Variants in LRRC74B observed in about 807,000 individuals in gnomAD.
LRRC74B encodes the protein leucine-rich repeat-containing protein 74B.
In LRRC74B, 30 loss-of-function variants were observed where a neutral mutation model predicts 16.6. The ratio of observed to expected loss-of-function variants is 1.80; its 90% CI spans 1.35 to 2.45. LRRC74B has a LOEUF of 2.45. LRRC74B is among the 30% of genes most tolerant of loss of function. LRRC74B has a pLI of 0.00. For synonymous variants in LRRC74B, 134 were observed against 86.0 expected (o/e 1.56, Z -3.09); for missense variants, 326 against 202.4 (o/e 1.61, Z -3.71).
At position 21,047,944 on chromosome 22, in the gene LRRC74B, C is replaced by T. The variant is rs1007240115; in HGVS notation, c.343C>T (p.Arg115Ter). The T allele has an allele frequency of 2.8e-5, 20 of 717,234 alleles. No individual in the cohort carries two copies. The highest frequency in any genetic ancestry group is 5.2e-5 in the Non-Finnish European group (20 of 385,072). The allele number at this position is 717,234 out of a possible 1,614,324, so 44.4% of individuals were successfully genotyped here. Residue 115 changes from arginine to a stop codon, truncating the protein, a stop_gained, in exon 3 of 9, where the codon CGA becomes TGA. Transcript: ENST00000442047. LOFTEE classifies it high-confidence loss of function. ...TCCATATGTCAAGCGGCTGGACCTTCGAGACAATGGGCTCTGTGGGGCAGG... is the reference window on the plus strand; with the variant it reads ...TCCATATGTCAAGCGGCTGGACCTTTGAGACAATGGGCTCTGTGGGGCAGG...
intron 7 of LRRC74B, among the ~76,000 whole-genome samples, chr22:21,055,495 C>T (rs1355812475): frequency 6.6e-6 from 1 of 152,168 alleles, no homozygotes; most frequent in Admixed American, 6.5e-5. Context: ...AGACCCAGGC[C>T]CCACCCAGGT....
At chr22:21,050,506 C>G (rs564624302) in intron 4 of LRRC74B, among the ~76,000 whole-genome samples, 3 of 151,004 alleles carry the variant, frequency 2.0e-5, no homozygotes, top group Non-Finnish European at 4.4e-5. Flanking sequence ...TGGCCGGGCC[C>G]GGTGGCTCAC....
At chr22:21,046,183 G>T (rs1373128283) in intron 1 of LRRC74B, 58 bp downstream of exon 1, 2 of 707,860 alleles carry the variant, frequency 2.8e-6, no homozygotes, top group African/African-American at 3.5e-5. Flanking sequence ...CTCCCGCAGG[G>T]GTTGGGGGAG....
At chr22:21,052,857 A>G (rs1310262008) in intron 5 of LRRC74B, among the ~76,000 whole-genome samples, 1 of 152,176 alleles carries the variant, frequency 6.6e-6, no homozygotes, top group Non-Finnish European at 1.5e-5. Context: ...TCCTCAGGCC[A>G]TGGCAGCTGC....
At chr22:21,048,502 G>A in intron 3 of LRRC74B, 1 of 258,426 alleles carries the variant, frequency 3.9e-6, no homozygotes, top group Non-Finnish European at 7.6e-6. Flanking sequence ...ATACCTTATG[G>A]GCTTGGGGCT....
chr22:21,056,765 C>G (rs1245047361), intron 7 of LRRC74B: 1 of 238,518 alleles, frequency 4.2e-6, no homozygotes, highest in Non-Finnish European at 8.0e-6. Flanking sequence ...CCAGCCTTTC[C>G]CTCCCAGGGG....
rs1930220959 is a variant in LRRC74B, at chr22:21,053,351, G to C, written c.733-9G>C. The C allele has an allele frequency of 5.6e-6, 4 of 716,086 alleles. No homozygotes were observed. The highest frequency in any genetic ancestry group is 1.7e-5 in the African/African-American group (1 of 57,366). The allele number at this position is 716,086 out of a possible 1,614,324, so 44.4% of individuals were successfully genotyped here. A position where few individuals can be genotyped will look rare whatever the true frequency, so the allele number is the denominator to read the frequency against. On this transcript the variant is annotated splice_polypyrimidine_tract_variant and intron_variant, in intron 5 of 8. Transcript: ENST00000442047. The stretch of plus-strand genomic sequence containing the variant: ...TGGGGTCCCATGACTTCACTCTTTG[G>C]TATTCTAGGCAAACATCTTCCTTAA...
chr22:21,046,220 A>G, intron 1 of LRRC74B, 95 bp downstream of exon 1: 2 of 657,284 alleles, frequency 3.0e-6, no homozygotes, highest in South Asian at 3.3e-5. Flanking sequence ...GCCAGCAGGG[A>G]ACGTACCCGC....
At chr22:21,050,863 G>C (rs1929974600) in intron 4 of LRRC74B, among the ~76,000 whole-genome samples, 2 of 151,554 alleles carry the variant, frequency 1.3e-5, no homozygotes, top group Admixed American at 6.6e-5. Flanking sequence ...GAGGCTGAGG[G>C]GCGAAGATTG....
intron 4 of LRRC74B, among the ~76,000 whole-genome samples, chr22:21,049,980 C>A (rs974495153): frequency 1.3e-5 from 2 of 152,182 alleles, no homozygotes; most frequent in African/African-American, 4.8e-5. Flanking sequence ...CTGAACCAAA[C>A]TCTTAGGGGA....
chr22:21,055,624 C>T (rs921555669), intron 7 of LRRC74B, among the ~76,000 whole-genome samples: 4 of 152,142 alleles, frequency 2.6e-5, no homozygotes, highest in Non-Finnish European at 5.9e-5. Flanking sequence ...AAGACAGACA[C>T]AGGAGGGAGG....
chr22:21,050,738 A>C lies in LRRC74B; in HGVS notation c.623-1511A>C, dbSNP rs143656302. 3.8e-3 allele frequency among the ~76,000 whole-genome samples: 555 copies of C among 147,578 alleles called. 5 individuals carry two copies. Among genetic ancestry groups the C allele is most frequent in the African/African-American group, 0.013 (527 of 39,496 alleles). ...GCTTGCAGTGAGCCGAGATAGCACC[A>C]CTGCAGTCCGGCCTGGGCGAAAGAG... On this transcript the variant is annotated intron_variant, in intron 4 of 8. Transcript: ENST00000442047.
exon 6 of LRRC74B, chr22:21,053,411 C>T (rs1202980447): frequency 2.8e-6 from 2 of 717,338 alleles, no homozygotes; most frequent in African/African-American, 3.5e-5. Context: ...CTTTGGGGAT[C>T]CTGGAGCCTC....
intron 1 of LRRC74B, 147 bp downstream of exon 1, chr22:21,046,272 C>T (rs1294740850): frequency 1.6e-6 from 1 of 606,678 alleles, no homozygotes; most frequent in African/African-American, 1.8e-5. Context: ...TTCATTGCTC[C>T]TGGAAGCATC....
chr22:21,063,225 T>A (rs1930897242), downstream of LRRC74B: 1 of 152,012 alleles, frequency 6.6e-6, no homozygotes, highest in African/African-American at 2.4e-5. Flanking sequence ...CCAAAGTCTT[T>A]CAAAAGGAGT....
intron 1 of LRRC74B, 71 bp from the exon 2 acceptor site, chr22:21,047,285 C>T (rs1175544087): frequency 1.5e-6 from 1 of 671,898 alleles, no homozygotes; most frequent in East Asian, 2.7e-5. Flanking sequence ...CAGGTAGTGA[C>T]ACAGGGCAGG....
intron 7 of LRRC74B, chr22:21,056,540 T>C (rs1182526227): frequency 6.7e-6 from 1 of 150,240 alleles, no homozygotes; most frequent in Non-Finnish European, 1.5e-5. Context: ...TCATGGGGGA[T>C]CTGGGCTCTG....
rs1253056527 is a variant in LRRC74B, at chr22:21,053,491, G to C, written c.848+16G>C. 2 of 715,362 alleles carry C rather than the reference G, an allele frequency of 2.8e-6. No individual in the cohort carries two copies. Among genetic ancestry groups the C allele is most frequent in the African/African-American group, 3.5e-5 (2 of 57,198 alleles). 44.3% of individuals were successfully genotyped at this position (715,362 alleles called of 1,614,324 possible). A position where few individuals can be genotyped will look rare whatever the true frequency, so the allele number is the denominator to read the frequency against. On this transcript the variant is annotated intron_variant, in intron 6 of 8. Transcript: ENST00000442047. Reference sequence around the variant, plus strand: ...TCAACATGAGGTGAGGATCCCCGGGGGGACACCCCAGGAATCATGGGCTCC... The same window carrying C: ...TCAACATGAGGTGAGGATCCCCGGGCGGACACCCCAGGAATCATGGGCTCC...
chr22:21,053,415 G>A, exon 6 of LRRC74B: 1 of 717,446 alleles, frequency 1.4e-6, no homozygotes, highest in Non-Finnish European at 2.6e-6. Context: ...GGGGATCCTG[G>A]AGCCTCTGCG....
Sources: gnomAD v4.1 joint callset for allele counts (sites outside exome capture counted in the v4.1 genomes callset) on GRCh38, gnomAD v4.1.1 for gene constraint, MANE v1.5 for transcripts, NCBI Gene and HGNC (gene_info 2026-07-23, HGNC 2026-07-21) for gene names.